Variants in BIRC6 observed in about 807,000 individuals in gnomAD.
The protein encoded by BIRC6 is dual E2 ubiquitin-conjugating enzyme/E3 ubiquitin-protein ligase BIRC6.
A neutral mutation model predicts 503.3 loss-of-function variants in BIRC6; 98 were observed. That is an observed-to-expected ratio of 0.19 (90% CI 0.17 to 0.23). BIRC6 has a LOEUF of 0.23. Among genes scored for constraint, BIRC6 ranks in the 10% least tolerant of loss-of-function variants. The pLI is 1.00. For synonymous variants in BIRC6, 2,240 were observed against 2,078.7 expected (o/e 1.08, Z -2.11); for missense variants, 5,360 against 5,806.0 (o/e 0.92, Z 2.50).
At chr2:32,568,775 C>G (rs1235231489) in intron 65 of BIRC6, among the ~76,000 whole-genome samples, 1 of 150,866 alleles carries the variant, frequency 6.6e-6, no homozygotes, top group Admixed American at 6.6e-5. Flanking sequence ...ACCCTGGAGA[C>G]AGAGGTTGCA....
chr2:32,606,740 T>A (rs1050756881), intron 71 of BIRC6, among the ~76,000 whole-genome samples: 1 of 152,112 alleles, frequency 6.6e-6, no homozygotes, highest in Non-Finnish European at 1.5e-5. Context: ...GCACAGTGGC[T>A]GACGCCTGTA....
chr2:32,397,583 T>C (rs903229445), intron 6 of BIRC6, among the ~76,000 whole-genome samples: 1 of 145,428 alleles, frequency 6.9e-6, no homozygotes, highest in South Asian at 2.1e-4. Context: ...GCTGTGTGTG[T>C]GTGTGTGTGT....
At chr2:32,398,681 G>A (rs2040254827) in intron 6 of BIRC6, among the ~76,000 whole-genome samples, 1 of 151,980 alleles carries the variant, frequency 6.6e-6, no homozygotes, top group African/African-American at 2.4e-5. Flanking sequence ...AAATTATTGG[G>A]ATTAGATTTT....
chr2:32,479,148 T>C (rs60839003), intron 36 of BIRC6, among the ~76,000 whole-genome samples: 71 of 152,362 alleles, frequency 4.7e-4, no homozygotes, highest in African/African-American at 1.7e-3. Context: ...TTTCTTCATA[T>C]ATAACATAAG....
At position 32,518,838 on chromosome 2, in the gene BIRC6, G is replaced by A. The variant is rs1246400077; in HGVS notation, c.11515G>A (p.Ala3839Thr). 1 of 1,613,232 alleles carries A rather than the reference G, an allele frequency of 6.2e-7. No individual in the cohort carries two copies. Among genetic ancestry groups the A allele is most frequent in the South Asian group, 1.1e-5 (1 of 91,052 alleles). ...PCPLYKGRIN[A>T]TSHVIQHPMY... is the part of the protein sequence containing the mutation. ...TCAGCTGTACAAAGGTAGAATTAAT[G>A]CTACTAGCCACGTCATCCAGCATCC... Residue 3839 changes from alanine (A) to threonine (T), a missense_variant, in exon 57 of 74, where the codon GCT (alanine) becomes ACT (threonine). Ala to Thr is a moderately conservative substitution (Grantham distance 58, BLOSUM62 0). Around this residue, in one of 16 missense-constraint regions of BIRC6, gnomAD observed 878 missense variants for 928.9 expected, o/e 0.95. Coordinates refer to ENST00000421745, the MANE Select transcript of BIRC6 (RefSeq NM_016252.4).
chr2:32,503,408 CTTTG>C (rs146429810), intron 49 of BIRC6, among the ~76,000 whole-genome samples, 172 bp downstream of exon 49: 2,254 of 151,068 alleles, frequency 0.015, 21 homozygotes, highest in African/African-American at 0.023. Flanking sequence ...AGAGGGAATG[CTTTG>C]TTTGTTTGTT....
At chr2:32,497,115 C>T (rs1170264872) in intron 45 of BIRC6, among the ~76,000 whole-genome samples, 1 of 152,140 alleles carries the variant, frequency 6.6e-6, no homozygotes, top group Non-Finnish European at 1.5e-5. Flanking sequence ...TTAGATGTTT[C>T]CCTGCATCTG....
intron 72 of BIRC6, among the ~76,000 whole-genome samples, chr2:32,608,464 G>C (rs976728243): frequency 8.6e-5 from 13 of 151,864 alleles, no homozygotes; most frequent in Admixed American, 8.5e-4. Flanking sequence ...GCCCAGGCTG[G>C]AGTGCAATGG....
At chr2:32,500,526 T>C (rs1488279168) in intron 46 of BIRC6, among the ~76,000 whole-genome samples, 1 of 151,390 alleles carries the variant, frequency 6.6e-6, no homozygotes, top group South Asian at 2.1e-4. Flanking sequence ...CGAGTGATAC[T>C]CCTGCCTCAG....
At chr2:32,388,182 C>A (rs1450494715) in intron 3 of BIRC6, among the ~76,000 whole-genome samples, 2 of 151,772 alleles carry the variant, frequency 1.3e-5, no homozygotes, top group African/African-American at 4.8e-5. Context: ...GTCAGGAGAT[C>A]AGCCTGACCA....
chr2:32,367,199 A>G (rs766204664), intron 1 of BIRC6, among the ~76,000 whole-genome samples: 16 of 151,382 alleles, frequency 1.1e-4, no homozygotes, highest in Non-Finnish European at 1.3e-4. Context: ...ATGGTGGCTC[A>G]TGCCTGTAAT....
chr2:32,613,942 C>T (rs1273198456), intron 73 of BIRC6, among the ~76,000 whole-genome samples: 2 of 152,036 alleles, frequency 1.3e-5, no homozygotes, highest in African/African-American at 4.8e-5. Context: ...CTGACTTTGG[C>T]CATTTACTCT....
intron 21 of BIRC6, among the ~76,000 whole-genome samples, chr2:32,446,532 GTCGTAATGAT>G (rs1163379926): frequency 1.3e-5 from 2 of 152,110 alleles, no homozygotes; most frequent in Non-Finnish European, 2.9e-5. Context: ...TTGAGGCTAT[GTCGTAATGAT>G]TCACGGGAGA....
chr2:32,428,069 T>G lies in BIRC6; in HGVS notation c.2873-1077T>G, dbSNP rs115213463. Among the ~76,000 whole-genome samples, 1,144 of 152,346 alleles carry G rather than the reference T, an allele frequency of 7.5e-3. 8 individuals carry two copies. The highest frequency in any genetic ancestry group is 0.02 in the Middle Eastern group (6 of 294). The stretch of plus-strand genomic sequence containing the variant: ...CAGAGCTTAGTATTCAGCCAAAGAT[T>G]GATAGGTTTGGTGTCCAAATACCTT... On this transcript the variant is annotated intron_variant, in intron 10 of 73. Transcript: ENST00000421745.
intron 50 of BIRC6, among the ~76,000 whole-genome samples, chr2:32,506,272 T>C (rs920609162): frequency 6.6e-6 from 1 of 152,236 alleles, no homozygotes; most frequent in Non-Finnish European, 1.5e-5. Flanking sequence ...TATCACTCAA[T>C]AATTGCATGA....
At chr2:32,426,169 C>T (rs1404194989) in intron 10 of BIRC6, among the ~76,000 whole-genome samples, 1 of 152,176 alleles carries the variant, frequency 6.6e-6, no homozygotes, top group African/African-American at 2.4e-5. Context: ...TTTTCTGATA[C>T]TACTTTTTTT....
chr2:32,575,117 C>A (rs757986789), intron 65 of BIRC6, 39 bp from the exon 66 acceptor site: 1 of 1,593,666 alleles, frequency 6.3e-7, no homozygotes, highest in African/African-American at 1.3e-5. Flanking sequence ...TTATATTGTA[C>A]ATTTGCTCAT....
In BIRC6 at chr2:32,525,525, G is replaced by C. The variant is rs777405739; in HGVS notation, c.11817G>C (p.Arg3939Ser). Residue 3939 changes from arginine to serine, a missense_variant, in exon 59 of 74, where the codon AGG (arginine) becomes AGC (serine). Coordinates refer to ENST00000421745, the MANE Select transcript of BIRC6 (RefSeq NM_016252.4). ...CACCACCTCGCCCACCATCCAGGAGGGGGAGGACAATACCTGATAAAATAG... is the reference window on the plus strand; with the variant it reads ...CACCACCTCGCCCACCATCCAGGAGCGGGAGGACAATACCTGATAAAATAG... ...SATPPRPPSR[R>S]GRTIPDKIGS... The C allele has an allele frequency of 2.2e-5, 35 of 1,613,826 alleles. No individual in the cohort carries two copies. Among genetic ancestry groups the C allele is most frequent in the South Asian group, 4.4e-5 (4 of 91,082 alleles).
At chr2:32,519,048 A>T in intron 57 of BIRC6, 102 bp downstream of exon 57, 3 of 1,141,266 alleles carry the variant, frequency 2.6e-6, no homozygotes, top group South Asian at 3.1e-5. Flanking sequence ...CTTTGCAACC[A>T]TTGATGACTA....
Sources: gnomAD v4.1 joint callset for allele counts (sites outside exome capture counted in the v4.1 genomes callset) on GRCh38, gnomAD v4.1.1 for gene constraint, gnomAD v4.1.1 regional missense constraint, MANE v1.5 for transcripts, NCBI Gene and HGNC (gene_info 2026-07-23, HGNC 2026-07-21) for gene names.